The following SUPT4H1 variants were observed in gnomAD, a reference collection of about 807,000 sequenced individuals.
SUPT4H1 encodes SPT4 homolog, DSIF elongation factor subunit, also known as transcription elongation factor SPT4.
In SUPT4H1, 12 loss-of-function variants were observed where a neutral mutation model predicts 19.4. The ratio of observed to expected loss-of-function variants is 0.62; its 90% CI spans 0.40 to 1.00. SUPT4H1 has a LOEUF of 1.00. Ranked by LOEUF, SUPT4H1 falls within the 50% of genes least tolerant of loss-of-function variation. The pLI is 0.00. For synonymous variants in SUPT4H1, 58 were observed against 56.3 expected (o/e 1.03, Z -0.14); for missense variants, 115 against 149.2 (o/e 0.77, Z 1.19).
chr17:58,347,623 C>T, intron 2 of SUPT4H1, 39 bp from the exon 3 acceptor site: 3 of 1,601,938 alleles, frequency 1.9e-6, no homozygotes, highest in Non-Finnish European at 1.7e-6. Context: ...GCCTGAGCCT[C>T]CCTGGGCCTG....
rs1179875160 is a variant in SUPT4H1 at position 58,345,951 on chromosome 17, C to CA, written c.*294dup. 1 of 314,260 alleles carries CA rather than the reference C, an allele frequency of 3.2e-6. No individual in the cohort carries two copies. Among genetic ancestry groups the CA allele is most frequent in the African/African-American group, 2.2e-5 (1 of 45,890 alleles). 19.5% of individuals were successfully genotyped at this position (314,260 alleles called of 1,614,324 possible). A position where few individuals can be genotyped will look rare whatever the true frequency, so the allele number is the denominator to read the frequency against. ...CTTTCTCGAGGTTCATATTTATTGA[C>CA]ATTTGACCTAGAGTCCTTGGCATGG... is the stretch of plus-strand genomic sequence containing the variant. On this transcript the variant is annotated 3_prime_UTR_variant, in exon 5 of 5. Coordinates refer to ENST00000225504, the MANE Select transcript of SUPT4H1 (RefSeq NM_003168.3).
intron 4 of SUPT4H1, 95 bp from the exon 5 acceptor site, chr17:58,346,408 C>T (rs1972289217): frequency 1.0e-6 from 1 of 987,636 alleles, no homozygotes; most frequent in Non-Finnish European, 1.6e-6. Context: ...TATAAGCAAA[C>T]TGGAGTTCCT....
At chr17:58,348,454 G>C (rs555670759) in intron 2 of SUPT4H1, among the ~76,000 whole-genome samples, 1 of 152,164 alleles carries the variant, frequency 6.6e-6, no homozygotes, top group South Asian at 2.1e-4. Flanking sequence ...AAGTGGAACC[G>C]ACCCTACCTC....
intron 4 of SUPT4H1, 77 bp from the exon 5 acceptor site, chr17:58,346,390 G>C (rs977370883): frequency 2.4e-6 from 3 of 1,227,900 alleles, no homozygotes; most frequent in Non-Finnish European, 3.6e-6. Context: ...CCACCTTGAG[G>C]GGGGTACTAT....
At chr17:58,348,805 T>G (rs1415900129) in intron 2 of SUPT4H1, among the ~76,000 whole-genome samples, 1 of 152,170 alleles carries the variant, frequency 6.6e-6, no homozygotes, top group Non-Finnish European at 1.5e-5. Flanking sequence ...TGAGGTCATC[T>G]AGCCCTCTTC....
At chr17:58,350,941 CATT>C (rs1417904593) in intron 2 of SUPT4H1, among the ~76,000 whole-genome samples, 3 of 149,726 alleles carry the variant, frequency 2.0e-5, no homozygotes, top group African/African-American at 7.4e-5. Context: ...ATTTAACAAA[CATT>C]ATTAAGATTA....
intron 4 of SUPT4H1, 118 bp downstream of exon 4, chr17:58,347,070 T>TC: frequency 1.0e-6 from 1 of 997,942 alleles, no homozygotes; most frequent in South Asian, 1.4e-5. Flanking sequence ...TGTGCCTGGT[T>TC]CCCCCCATCT....
chr17:58,346,434 C>A, intron 4 of SUPT4H1, 121 bp from the exon 5 acceptor site: 2 of 797,056 alleles, frequency 2.5e-6, no homozygotes, highest in Non-Finnish European at 2.1e-6. Context: ...ACTTATCAAT[C>A]GTCTGCTTGG....
intron 2 of SUPT4H1, among the ~76,000 whole-genome samples, chr17:58,349,880 G>A (rs1972427346): frequency 6.6e-6 from 1 of 152,228 alleles, no homozygotes; most frequent in Non-Finnish European, 1.5e-5. Flanking sequence ...GGAGGGAGGA[G>A]AGAACGAGGA....
At chr17:58,348,809 C>T (rs1465125432) in intron 2 of SUPT4H1, among the ~76,000 whole-genome samples, 1 of 151,820 alleles carries the variant, frequency 6.6e-6, no homozygotes, top group East Asian at 1.9e-4. Context: ...GTCATCTAGC[C>T]CTCTTCCGAT....
rs372825972 is a variant in SUPT4H1, at chr17:58,352,155, A to G, written c.-20T>C. ...GGCCATCTTCGCCGATGGGAAGAAC[A>G]ACAGGGAGATAGACGACCACAGCCT... On this transcript the variant is annotated 5_prime_UTR_variant, in exon 1 of 5. Coordinates refer to ENST00000225504, the MANE Select transcript of SUPT4H1 (RefSeq NM_003168.3). 1 of 1,613,650 alleles carries G rather than the reference A, an allele frequency of 6.2e-7. No individual in the cohort carries two copies. The highest frequency in any genetic ancestry group is 1.7e-5 in the Admixed American group (1 of 60,022).
intron 2 of SUPT4H1, 162 bp from the exon 3 acceptor site, chr17:58,347,746 A>G (rs774767850): frequency 6.5e-5 from 44 of 675,646 alleles, no homozygotes; most frequent in Non-Finnish European, 1.0e-4. Flanking sequence ...GCTAGGACTG[A>G]CAAAAGTTCT....
intron 3 of SUPT4H1, 80 bp downstream of exon 3, chr17:58,347,446 TTGC>T (rs913703787): frequency 2.6e-6 from 4 of 1,536,178 alleles, no homozygotes; most frequent in Non-Finnish European, 3.6e-6. Context: ...GTCACTCATC[TTGC>T]TGATTTGAGA....
chr17:58,352,176 A>T lies in SUPT4H1; in HGVS notation c.-41T>A. On this transcript the variant is annotated 5_prime_UTR_variant, in exon 1 of 5. Coordinates refer to ENST00000225504, the MANE Select transcript of SUPT4H1 (RefSeq NM_003168.3). ...GAACAACAGGGAGATAGACGACCAC[A>T]GCCTGTGCACCCGCAGGAAGTAAAT... The T allele has an allele frequency of 1.3e-6, 2 of 1,596,906 alleles. No homozygotes were observed. Among genetic ancestry groups the T allele is most frequent in the South Asian group, 1.1e-5 (1 of 90,690 alleles).
rs543151019 is a variant in SUPT4H1, at chr17:58,348,834, C to G, written c.177-1250G>C. On this transcript the variant is annotated intron_variant, in intron 2 of 4. Transcript: ENST00000225504. ...CCTCTTCCGATCTTTAATTTGCCCA[C>G]TCTTTAAGACCTAATATGCACTAGA... 2.6e-5 allele frequency among the ~76,000 whole-genome samples: 4 copies of G among 152,322 alleles called. No individual in the cohort carries two copies. The South Asian group carries it at 8.3e-4, about 32-fold the overall frequency.
intron 4 of SUPT4H1, 62 bp from the exon 5 acceptor site, chr17:58,346,375 A>C (rs1334689880): frequency 5.7e-6 from 8 of 1,410,120 alleles, no homozygotes; most frequent in Non-Finnish European, 7.0e-6. Flanking sequence ...TAGGCCACTC[A>C]GCTGCCACCT....
Position 58,347,680 on chromosome 17 carries a change from C to A in SUPT4H1, c.177-96G>T, listed in dbSNP as rs1337322072. On this transcript the variant is annotated intron_variant, in intron 2 of 4. Transcript: ENST00000225504. ...TCTAGGAAAAAGCCAAGTACCGAGT[C>A]TCCACTGGAAAGCTGGCAAAACTGC... 41 of 1,274,744 alleles carry A rather than the reference C, an allele frequency of 3.2e-5. No homozygotes were observed. The East Asian group carries it at 9.3e-4, about 29-fold the overall frequency. The allele number at this position is 1,274,744 out of a possible 1,614,324, so 79.0% of individuals were successfully genotyped here. A position where few individuals can be genotyped will look rare whatever the true frequency, so the allele number is the denominator to read the frequency against.
At position 58,346,320 on chromosome 17, in the gene SUPT4H1, C is replaced by T. The variant is rs770497171; in HGVS notation, c.287-7G>A. ...TTCAGCTCCCGCACGATTCCTGAAG[C>T]AGGAAAAGAAACAGTTCTGTGAGGT... On this transcript the variant is annotated splice_region_variant and splice_polypyrimidine_tract_variant and intron_variant, in intron 4 of 4. Coordinates refer to ENST00000225504, the MANE Select transcript of SUPT4H1 (RefSeq NM_003168.3). The T allele has an allele frequency of 9.9e-6, 16 of 1,613,628 alleles. No homozygotes were observed. In the East Asian group the frequency reaches 2.0e-4, roughly 20 times the overall value.
chr17:58,349,262 CAA>C (rs1305645599), intron 2 of SUPT4H1, among the ~76,000 whole-genome samples: 4 of 152,220 alleles, frequency 2.6e-5, no homozygotes, highest in African/African-American at 7.2e-5. Context: ...TATGATTTTG[CAA>C]AAGTGACATG....
Sources: allele counts gnomAD v4.1 joint callset (sites outside exome capture counted in the v4.1 genomes callset), GRCh38; gene constraint gnomAD v4.1.1; transcripts MANE v1.5; gene names NCBI Gene and HGNC (gene_info 2026-07-23, HGNC 2026-07-21).